The following TNKS variants were observed in gnomAD, a reference collection of about 807,000 sequenced individuals.
The protein encoded by TNKS is tankyrase, also known as poly [ADP-ribose] polymerase tankyrase-1.
TNKS carries 72 observed loss-of-function variants against 135.8 expected under a neutral mutation model. That is an observed-to-expected ratio of 0.53 (90% CI 0.44 to 0.64). The LOEUF (loss-of-function observed/expected upper bound fraction) is 0.64, where lower values mean the gene tolerates loss of function less well. Ranked by LOEUF, TNKS falls within the 30% of genes least tolerant of loss-of-function variation. The pLI, the probability that TNKS is intolerant of heterozygous loss-of-function variation, is 0.00. For missense variants in TNKS, 1,769 were observed against 1,674.0 expected (o/e 1.06, Z -0.99); for synonymous variants, 849 against 649.3 (o/e 1.31, Z -4.68).
chr8:9,601,890 A>G (rs1316210379), intron 2 of TNKS, among the ~76,000 whole-genome samples: 1 of 152,272 alleles, frequency 6.6e-6, no homozygotes, highest in Non-Finnish European at 1.5e-5. Context: ...CTTTCTTCAA[A>G]TGAAATATAA....
At chr8:9,758,489 C>T (rs1180552479) in intron 20 of TNKS, among the ~76,000 whole-genome samples, 1 of 152,142 alleles carries the variant, frequency 6.6e-6, no homozygotes, top group Non-Finnish European at 1.5e-5. Context: ...GTAGGTAGAT[C>T]ACTTATCTAC....
At chr8:9,729,524 G>A (rs558772061) in intron 13 of TNKS, among the ~76,000 whole-genome samples, 1 of 151,974 alleles carries the variant, frequency 6.6e-6, no homozygotes, top group African/African-American at 2.4e-5. Context: ...CCCTCAAGTT[G>A]GATAATTAGG....
intron 12 of TNKS, among the ~76,000 whole-genome samples, chr8:9,725,736 C>G (rs534118371): frequency 2.0e-5 from 3 of 152,268 alleles, no homozygotes; most frequent in South Asian, 4.1e-4. Context: ...ATAATGTGTG[C>G]TCATTCTAAA....
intron 3 of TNKS, among the ~76,000 whole-genome samples, chr8:9,644,079 G>T (rs1263110509): frequency 2.0e-5 from 3 of 152,144 alleles, no homozygotes; most frequent in Non-Finnish European, 2.9e-5. Flanking sequence ...CAAACTCAGA[G>T]ACAGAAAGTA....
chr8:9,573,704 C>T (rs1214924188), intron 1 of TNKS, among the ~76,000 whole-genome samples: 2 of 152,108 alleles, frequency 1.3e-5, no homozygotes, highest in Admixed American at 1.3e-4. Context: ...TAAATGTTCT[C>T]ATTTGGTATA....
intron 2 of TNKS, among the ~76,000 whole-genome samples, chr8:9,582,630 G>C (rs1798210729): frequency 6.6e-6 from 1 of 152,054 alleles, no homozygotes; most frequent in African/African-American, 2.4e-5. Context: ...CCACTTTCTT[G>C]GCCTCTGTCT....
intron 18 of TNKS, 89 bp downstream of exon 18, chr8:9,748,301 G>A (rs559863161): frequency 2.1e-5 from 25 of 1,172,512 alleles, no homozygotes; most frequent in Middle Eastern, 2.7e-4. Context: ...ACTTTTAGTC[G>A]TGTTTATTTC....
At chr8:9,734,337 A>G (rs192869608) in intron 15 of TNKS, among the ~76,000 whole-genome samples, 1 of 152,324 alleles carries the variant, frequency 6.6e-6, no homozygotes, top group East Asian at 1.9e-4. Flanking sequence ...TTTAAAATCT[A>G]TAATTTTTAA....
chr8:9,734,054 G>A (rs536561660), intron 15 of TNKS, among the ~76,000 whole-genome samples: 1 of 151,148 alleles, frequency 6.6e-6, no homozygotes, highest in East Asian at 1.9e-4. Flanking sequence ...TTTTAACTAC[G>A]GAAAAAAAAT....
chr8:9,635,588 A>G (rs766618723), intron 3 of TNKS, among the ~76,000 whole-genome samples: 2 of 152,228 alleles, frequency 1.3e-5, no homozygotes, highest in East Asian at 1.9e-4. Flanking sequence ...GGGAGAAACT[A>G]TACATTGACA....
In TNKS at chr8:9,781,061, G is replaced by A. The variant is rs1178989700; in HGVS notation, c.*4325G>A. ...AAGTGAAAACCTAGAGGAAGCTAAT[G>A]ATTTTATATACTTTGCACGACCAAA... On this transcript the variant is annotated 3_prime_UTR_variant, in exon 27 of 27. Coordinates refer to ENST00000310430, the MANE Select transcript of TNKS (RefSeq NM_003747.3). The A allele has an allele frequency of 1.3e-5, 2 of 152,188 alleles. No homozygotes were observed. The highest frequency in any genetic ancestry group is 2.9e-5 in the Non-Finnish European group (2 of 68,036). The allele number at this position is 152,188 out of a possible 1,614,324, so 9.4% of individuals were successfully genotyped here.
At chr8:9,773,370 T>C (rs1205207636) in intron 26 of TNKS, among the ~76,000 whole-genome samples, 1 of 152,152 alleles carries the variant, frequency 6.6e-6, no homozygotes, top group Non-Finnish European at 1.5e-5. Context: ...AGCATAAGAA[T>C]ATGGTTATCA....
At chr8:9,559,205 C>A (rs1797223893) in intron 1 of TNKS, among the ~76,000 whole-genome samples, 1 of 152,004 alleles carries the variant, frequency 6.6e-6, no homozygotes. Flanking sequence ...TATCTAGTGT[C>A]TAATCTAGAG....
Position 9,730,937 on chromosome 8 carries a change from G to T in TNKS, c.2049G>T (p.Arg683=), listed in dbSNP as rs1182630155. 40 of 1,613,962 alleles carry T rather than the reference G, an allele frequency of 2.5e-5. No individual in the cohort carries two copies. Among genetic ancestry groups the T allele is most frequent in the Non-Finnish European group, 3.3e-5 (39 of 1,179,946 alleles). Reference sequence around the variant, plus strand: ...TGAATTGTAGAGACTTAGAGGGCCGGCATTCCACGCCCTTACACTTCGCAG... The same window carrying T: ...TGAATTGTAGAGACTTAGAGGGCCGTCATTCCACGCCCTTACACTTCGCAG... ...QNVNCRDLEG[R]HSTPLHFAAG... is the part of the protein sequence containing the mutation. Residue 683 remains arginine, a synonymous_variant, in exon 14 of 27, where the codon CGG becomes CGT. Transcript: ENST00000310430.
intron 3 of TNKS, among the ~76,000 whole-genome samples, chr8:9,673,081 A>T (rs1217117935): frequency 1.3e-5 from 2 of 151,946 alleles, no homozygotes; most frequent in Admixed American, 6.6e-5. Context: ...TTTTTGGCCG[A>T]TGTGTATTTA....
intron 3 of TNKS, among the ~76,000 whole-genome samples, chr8:9,645,378 A>G (rs1039177281): frequency 6.6e-6 from 1 of 152,216 alleles, no homozygotes; most frequent in Non-Finnish European, 1.5e-5. Flanking sequence ...CAGAGATGTT[A>G]GTAAACAGTT....
At chr8:9,610,424 C>G (rs578164716) in intron 2 of TNKS, among the ~76,000 whole-genome samples, 121 of 151,376 alleles carry the variant, frequency 8.0e-4, no homozygotes, top group African/African-American at 2.7e-3. Context: ...TTTTAATATA[C>G]ATGTTTGTGT....
chr8:9,582,395 GTT>G (rs1377065995), intron 2 of TNKS, among the ~76,000 whole-genome samples: 1 of 152,074 alleles, frequency 6.6e-6, no homozygotes, highest in Non-Finnish European at 1.5e-5. Context: ...TTTTTAAAAG[GTT>G]TTTGCCTAGA....
intron 2 of TNKS, among the ~76,000 whole-genome samples, chr8:9,603,277 A>T (rs181661564): frequency 1.3e-3 from 190 of 151,886 alleles, no homozygotes; most frequent in Non-Finnish European, 2.3e-3. Flanking sequence ...GGGCTTGAGG[A>T]CTCCTGACCT....
Sources: gnomAD v4.1 joint callset for allele counts (sites outside exome capture counted in the v4.1 genomes callset) on GRCh38, gnomAD v4.1.1 for gene constraint, MANE v1.5 for transcripts, NCBI Gene and HGNC (gene_info 2026-07-23, HGNC 2026-07-21) for gene names.